GRIK1: variants seen among roughly 807,000 people sequenced by gnomAD.
GRIK1 encodes the protein glutamate ionotropic receptor kainate type subunit 1, also known as glutamate receptor ionotropic, kainate 1.
A neutral mutation model predicts 105.7 loss-of-function variants in GRIK1; 69 were observed. The ratio of observed to expected loss-of-function variants is 0.65; its 90% CI spans 0.54 to 0.80. The LOEUF (loss-of-function observed/expected upper bound fraction) is 0.80. GRIK1 is among the 30% of genes least tolerant of loss of function. The pLI is 0.00. For synonymous variants in GRIK1, 438 were observed against 431.3 expected (o/e 1.02, Z -0.19); for missense variants, 1,109 against 1,167.3 (o/e 0.95, Z 0.73).
intron 1 of GRIK1, among the ~76,000 whole-genome samples, chr21:29,731,754 G>A (rs1250412825): frequency 1.3e-5 from 2 of 152,132 alleles, no homozygotes; most frequent in African/African-American, 4.8e-5. Flanking sequence ...TACCGCTAGA[G>A]GCTTCATCTT....
intron 1 of GRIK1, among the ~76,000 whole-genome samples, chr21:29,892,936 G>A (rs1054222913): frequency 1.4e-4 from 22 of 152,198 alleles, no homozygotes; most frequent in Non-Finnish European, 2.9e-4. Context: ...CACTTTGGGA[G>A]GCTTAGGCGG....
intron 3 of GRIK1, among the ~76,000 whole-genome samples, chr21:29,683,404 G>A (rs1201644324): frequency 6.6e-6 from 1 of 152,210 alleles, no homozygotes; most frequent in African/African-American, 2.4e-5. Context: ...ATTGGATAAA[G>A]AAAATATGGT....
At chr21:29,595,327 A>G (rs933149625) in intron 9 of GRIK1, among the ~76,000 whole-genome samples, 2 of 147,212 alleles carry the variant, frequency 1.4e-5, no homozygotes, top group Non-Finnish European at 3.0e-5. Flanking sequence ...CTCAAGATGG[A>G]TTAGTGTAAT....
In GRIK1 at chr21:29,905,707, A is replaced by G. The variant is rs889329800; in HGVS notation, c.118+33676T>C. Reference sequence around the variant, plus strand: ...AGTGGAGGGATCTCGGCTCACTGCAAGCTCCGCCTCCCAGGTTCACGCCAT... The same window carrying G: ...AGTGGAGGGATCTCGGCTCACTGCAGGCTCCGCCTCCCAGGTTCACGCCAT... On this transcript the variant is annotated intron_variant, in intron 1 of 17. Coordinates refer to ENST00000327783, the MANE Select transcript of GRIK1 (RefSeq NM_001330994.2). Among the ~76,000 whole-genome samples, 576 of 134,214 alleles carry G rather than the reference A, an allele frequency of 4.3e-3. 25 individuals carry two copies. The highest frequency in any genetic ancestry group is 0.016 in the African/African-American group (547 of 33,356). 88.0% of individuals were successfully genotyped at this position (134,214 alleles called of 152,430 possible). A position where few individuals can be genotyped will look rare whatever the true frequency, so the allele number is the denominator to read the frequency against.
intron 1 of GRIK1, among the ~76,000 whole-genome samples, chr21:29,716,145 A>T (rs778794616): frequency 6.6e-6 from 1 of 152,234 alleles, no homozygotes; most frequent in Non-Finnish European, 1.5e-5. Context: ...CCCTTCCACC[A>T]TGATTGTAAG....
chr21:29,601,190 G>T (rs2061511456), intron 7 of GRIK1: 1 of 501,490 alleles, frequency 2.0e-6, no homozygotes, highest in Non-Finnish European at 4.1e-6. Flanking sequence ...AGAACAAAAA[G>T]GCAGAGGAAG....
At position 29,719,081 on chromosome 21, in the gene GRIK1, CATATAT is replaced by C. The variant is rs71335089; in HGVS notation, c.119-25024_119-25019del. Among the ~76,000 whole-genome samples the C allele has an allele frequency of 9.6e-3, 1,375 of 143,324 alleles. 10 individuals are homozygous for C. Among genetic ancestry groups the C allele is most frequent in the Non-Finnish European group, 0.014 (933 of 66,036 alleles). 94.0% of individuals were successfully genotyped at this position (143,324 alleles called of 152,430 possible). ...GTAGAAAGGTGTGTGTGTGTATATA[CATATAT>C]ATATATATATATATGATTGGTGCAA... On this transcript the variant is annotated intron_variant, in intron 1 of 17. Transcript: ENST00000327783.
chr21:29,909,870 A>G (rs574388870), intron 1 of GRIK1, among the ~76,000 whole-genome samples: 2 of 152,292 alleles, frequency 1.3e-5, no homozygotes, highest in African/African-American at 4.8e-5. Context: ...CATGACGAGT[A>G]TAACTTTTAT....
At chr21:29,576,585 A>G (rs1296489206) in intron 14 of GRIK1, among the ~76,000 whole-genome samples, 1 of 152,212 alleles carries the variant, frequency 6.6e-6, no homozygotes, top group East Asian at 1.9e-4. Flanking sequence ...TGGTTACCAG[A>G]ATTCTTGATT....
At chr21:29,821,664 A>G (rs929926665) in intron 1 of GRIK1, among the ~76,000 whole-genome samples, 1 of 152,074 alleles carries the variant, frequency 6.6e-6, no homozygotes, top group African/African-American at 2.4e-5. Context: ...ACCGTAGTAT[A>G]GTATGTACAA....
At chr21:29,880,887 A>G (rs527919408) in intron 1 of GRIK1, among the ~76,000 whole-genome samples, 37 of 152,216 alleles carry the variant, frequency 2.4e-4, no homozygotes, top group African/African-American at 8.7e-4. Context: ...GCTGGAAGGG[A>G]CCATCATCTG....
chr21:29,756,281 T>A (rs2065338675), intron 1 of GRIK1, among the ~76,000 whole-genome samples: 1 of 151,862 alleles, frequency 6.6e-6, no homozygotes, highest in Admixed American at 6.6e-5. Context: ...CTCGGGAGGC[T>A]GAGGCAGGAG....
chr21:29,774,521 G>C (rs432440), intron 1 of GRIK1, among the ~76,000 whole-genome samples: 21,086 of 146,522 alleles, frequency 0.14, 1,532 homozygotes, highest in Non-Finnish European at 0.16. Flanking sequence ...GCACGATCTC[G>C]GCTCACTGCA....
At chr21:29,876,875 C>G (rs1453934197) in intron 1 of GRIK1, among the ~76,000 whole-genome samples, 1 of 152,128 alleles carries the variant, frequency 6.6e-6, no homozygotes, top group Non-Finnish European at 1.5e-5. Context: ...AGAAGAATCA[C>G]TGAACCAAAA....
chr21:29,575,475 G>A (rs984928964), intron 14 of GRIK1, among the ~76,000 whole-genome samples: 4 of 152,008 alleles, frequency 2.6e-5, no homozygotes, highest in Non-Finnish European at 4.4e-5. Flanking sequence ...AAATAAGAAT[G>A]AAAGAAGAAA....
intron 1 of GRIK1, among the ~76,000 whole-genome samples, chr21:29,907,959 A>ATTCATTTTTAT: frequency 6.6e-6 from 1 of 152,128 alleles, no homozygotes; most frequent in Non-Finnish European, 1.5e-5. Flanking sequence ...ACTGACTTCT[A>ATTCATTTTTAT]TTCATTTTTA....
chr21:29,607,685 C>T (rs2061651214), intron 7 of GRIK1, among the ~76,000 whole-genome samples: 1 of 152,080 alleles, frequency 6.6e-6, no homozygotes, highest in Admixed American at 6.6e-5. Context: ...ATATCTCTCC[C>T]TTAATATTAT....
chr21:29,707,710 G>T (rs996455707), intron 1 of GRIK1, among the ~76,000 whole-genome samples: 3 of 151,666 alleles, frequency 2.0e-5, no homozygotes, highest in Non-Finnish European at 4.4e-5. Flanking sequence ...GGCCAGGCTG[G>T]TCTCTTAGCT....
intron 4 of GRIK1, among the ~76,000 whole-genome samples, chr21:29,659,359 CT>C (rs1249517224): frequency 1.3e-5 from 2 of 152,272 alleles, no homozygotes; most frequent in Admixed American, 6.5e-5. Context: ...TTTTCCCCCC[CT>C]ACCTCTAATG....
Sources: gnomAD v4.1 joint callset for allele counts (sites outside exome capture counted in the v4.1 genomes callset) on GRCh38, gnomAD v4.1.1 for gene constraint, MANE v1.5 for transcripts, NCBI Gene and HGNC (gene_info 2026-07-23, HGNC 2026-07-21) for gene names.